HTT: variants seen among roughly 807,000 people sequenced by gnomAD.
HTT encodes the protein huntington disease protein.
In HTT, 104 loss-of-function variants were observed where a neutral mutation model predicts 362.3. That is an observed-to-expected ratio of 0.29 (90% CI 0.24 to 0.34). The LOEUF is 0.34. HTT is among the 10% of genes least tolerant of loss of function. HTT has a pLI of 1.00. For missense variants in HTT, 3,301 were observed against 3,928.6 expected (o/e 0.84, Z 4.27); for synonymous variants, 1,577 against 1,548.7 (o/e 1.02, Z -0.43).
At chr4:3,121,497 A>AT in intron 9 of HTT, 65 bp downstream of exon 9, 2 of 1,089,662 alleles carry the variant, frequency 1.8e-6, no homozygotes, top group South Asian at 1.3e-5. Context: ...CACTCTATTG[A>AT]TTATGGGCCT....
chr4:3,160,328 TC>T lies in HTT; in HGVS notation c.3802del (p.Arg1268AlafsTer11), dbSNP rs1333981657. The part of the protein sequence containing the change: ...QNSTEKFGGF[L>X]RSALDVLSQI... The stretch of plus-strand genomic sequence containing the variant: ...AGCACGGAAAAGTTTGGAGGGTTTC[TC>T]CGCTCAGCCTTGGATGTTCTTTCTC... On this transcript the variant is annotated frameshift_variant, in exon 29 of 67. Transcript: ENST00000355072. LOFTEE classifies it high-confidence loss of function. 6.4e-7 allele frequency: 1 copy of T among 1,554,366 alleles called. No individual in the cohort carries two copies. Among genetic ancestry groups the T allele is most frequent in the African/African-American group, 1.4e-5 (1 of 73,448 alleles).
intron 30 of HTT, 61 bp from the exon 31 acceptor site, chr4:3,172,846 TG>T: frequency 9.1e-7 from 1 of 1,102,082 alleles, no homozygotes; most frequent in Non-Finnish European, 1.4e-6. Context: ...GATATTTGTG[TG>T]GGAGATTCTT....
At chr4:3,115,234 G>A in intron 6 of HTT, 70 bp from the exon 7 acceptor site, 11 of 1,461,140 alleles carry the variant, frequency 7.5e-6, no homozygotes, top group Non-Finnish European at 1.0e-5. Flanking sequence ...TTCACGTTAA[G>A]TTTTATGTAA....
At chr4:3,131,432 A>G in intron 15 of HTT, 35 bp downstream of exon 15, 2 of 1,552,278 alleles carry the variant, frequency 1.3e-6, no homozygotes, top group Non-Finnish European at 1.8e-6. Flanking sequence ...AGTTGAAGGA[A>G]ATAACTAGGT....
At chr4:3,079,504 G>A (rs1158970085) in intron 1 of HTT, among the ~76,000 whole-genome samples, 1 of 152,102 alleles carries the variant, frequency 6.6e-6, no homozygotes, top group African/African-American at 2.4e-5. Context: ...TCCAGATGGG[G>A]GGAACAGGTC....
At chr4:3,149,892 C>T (rs969397500) in intron 26 of HTT, among the ~76,000 whole-genome samples, 5 of 152,244 alleles carry the variant, frequency 3.3e-5, no homozygotes, top group African/African-American at 9.6e-5. Context: ...TGTTGCCACA[C>T]TCCATAGCAG....
At position 3,107,636 on chromosome 4, in the gene HTT, G is replaced by A. The variant is rs190732043; in HGVS notation, c.747+213G>A. Among the ~76,000 whole-genome samples, 7 of 152,276 alleles carry A rather than the reference G, an allele frequency of 4.6e-5. No individual in the cohort carries two copies. The East Asian group carries it at 1.3e-3, about 29-fold the overall frequency. On this transcript the variant is annotated intron_variant, in intron 6 of 66. Transcript: ENST00000355072. ...TACTGTGGGGTGAAGAGTTGAATTG[G>A]GAGATGGTTTCTAGATGCAAATTGA...
chr4:3,213,865 A>G, intron 49 of HTT, 93 bp from the exon 50 acceptor site: 2 of 1,180,160 alleles, frequency 1.7e-6, no homozygotes, highest in East Asian at 2.8e-5. Context: ...GCTGCCCCTC[A>G]GTGCTTTGGA....
At chr4:3,121,707 A>T (rs558781441) in intron 9 of HTT, 1 of 262,310 alleles carries the variant, frequency 3.8e-6, no homozygotes, top group Admixed American at 5.0e-5. Flanking sequence ...AAAAAAAAAA[A>T]AAAAAAAAAT....
rs755923322 is a variant in HTT, at chr4:3,235,417, T to TA, written c.8571+19_8571+20insA. The TA allele has an allele frequency of 6.5e-7, 1 of 1,549,066 alleles. No homozygotes were observed. The highest frequency in any genetic ancestry group is 2.2e-5 in the East Asian group (1 of 44,596). ...AATACAGGTGAGTGGGCCCTGGCTG[T>TA]CTTCCTCTGCACACGGGGAGTGGGC... On this transcript the variant is annotated intron_variant, in intron 62 of 66. Coordinates refer to ENST00000355072, the MANE Select transcript of HTT (RefSeq NM_001388492.1).
At chr4:3,231,493 T>A (rs1004371711) in intron 60 of HTT, among the ~76,000 whole-genome samples, 1 of 152,090 alleles carries the variant, frequency 6.6e-6, no homozygotes, top group Non-Finnish European at 1.5e-5. Context: ...GCAGCAGAGG[T>A]TGAGGTGAGC....
At chr4:3,104,009 A>G in intron 4 of HTT, 126 bp downstream of exon 4, 1 of 601,186 alleles carries the variant, frequency 1.7e-6, no homozygotes, top group South Asian at 2.2e-5. Flanking sequence ...ACAGGTATAC[A>G]ATACATAATA....
At chr4:3,236,875 T>G (rs1442994287) in intron 64 of HTT, among the ~76,000 whole-genome samples, 1 of 152,118 alleles carries the variant, frequency 6.6e-6, no homozygotes, top group Non-Finnish European at 1.5e-5. Context: ...TGATTTGCTC[T>G]CAGGCCTCAG....
At chr4:3,114,628 A>G (rs1490039277) in intron 6 of HTT, among the ~76,000 whole-genome samples, 1 of 152,222 alleles carries the variant, frequency 6.6e-6, no homozygotes, top group Non-Finnish European at 1.5e-5. Context: ...CATAGTTTTG[A>G]ATAATGGGAA....
rs773156677 is a variant in HTT at position 3,172,917 on chromosome 4, A to C, written c.3952A>C (p.Thr1318Pro). Reference sequence around the variant, plus strand: ...ATTTTTTTCACTGTAGTTGTTGAAGACTCTCTTTGGCACAAACTTGGCCTC... The same window carrying C: ...ATTTTTTTCACTGTAGTTGTTGAAGCCTCTCTTTGGCACAAACTTGGCCTC... ...ATVCVQQLLK[T>P]LFGTNLASQF... Residue 1318 changes from threonine to proline, a missense_variant, in exon 31 of 67, where the codon ACT (threonine) becomes CCT (proline). This residue lies in a region of HTT where 2,316 missense variants were observed against 2,658.5 expected (regional missense o/e 0.87). Transcript: ENST00000355072. The C allele has an allele frequency of 5.0e-6, 8 of 1,613,622 alleles. No individual in the cohort carries two copies. The East Asian group carries it at 1.8e-4, about 36-fold the overall frequency.
Position 3,134,461 on chromosome 4 carries a change from G to A in HTT, c.2554G>A (p.Asp852Asn), listed in dbSNP as rs370452437. 5.6e-6 allele frequency: 9 copies of A among 1,613,838 alleles called. No individual in the cohort carries two copies. The Admixed American group carries it at 8.3e-5, about 15-fold the overall frequency. Residue 852 changes from aspartate to asparagine, a missense_variant, in exon 19 of 67, where the codon GAT (aspartate) becomes AAT (asparagine). Coordinates refer to ENST00000355072, the MANE Select transcript of HTT (RefSeq NM_001388492.1). ...TGAGTTAGGACTGCAGCTGATCATC[G>A]ATGTGCTGACTCTGAGGAACAGTTC... ...YSELGLQLII[D>N]VLTLRNSSYW...
intron 22 of HTT, among the ~76,000 whole-genome samples, chr4:3,142,558 T>G (rs1716400405): frequency 1.3e-5 from 2 of 152,098 alleles, no homozygotes. Flanking sequence ...GCAGCAAAAG[T>G]GTTCGGGGCA....
chr4:3,235,201 C>G, intron 61 of HTT, 83 bp from the exon 62 acceptor site: 2 of 1,010,240 alleles, frequency 2.0e-6, no homozygotes, highest in Admixed American at 1.7e-5. Flanking sequence ...GCTCTACACT[C>G]CCGCGTGGGG....
rs143330851 is a variant in HTT, at chr4:3,221,375, G to A, written c.7370-1012G>A. Among the ~76,000 whole-genome samples the A allele has an allele frequency of 4.6e-5, 7 of 152,234 alleles. No individual in the cohort carries two copies. In the East Asian group the frequency reaches 9.6e-4, roughly 21 times the overall value. Reference sequence around the variant, plus strand: ...CTGCTCTCTCCCCCTTGCCTAACACGAGCACCTTTGCTTACTTGGGTGCCC... The same window carrying A: ...CTGCTCTCTCCCCCTTGCCTAACACAAGCACCTTTGCTTACTTGGGTGCCC... On this transcript the variant is annotated intron_variant, in intron 53 of 66. Transcript: ENST00000355072.
Sources: allele counts gnomAD v4.1 joint callset (sites outside exome capture counted in the v4.1 genomes callset), GRCh38; gene constraint gnomAD v4.1.1; regional missense constraint gnomAD v4.1.1; transcripts MANE v1.5; gene names NCBI Gene and HGNC (gene_info 2026-07-23, HGNC 2026-07-21).